The following FARP1 variants were observed in gnomAD, a reference collection of about 807,000 sequenced individuals.
FARP1 encodes the protein FERM, ARH/RhoGEF and pleckstrin domain protein 1.
FARP1 carries 52 observed loss-of-function variants against 128.8 expected under a neutral mutation model. The ratio of observed to expected loss-of-function variants is 0.40; its 90% CI spans 0.32 to 0.51. The LOEUF (loss-of-function observed/expected upper bound fraction) is 0.51, where lower values mean the gene tolerates loss of function less well. Ranked by LOEUF, FARP1 falls within the 20% of genes least tolerant of loss-of-function variation. The pLI, the probability that FARP1 is intolerant of heterozygous loss-of-function variation, is 0.45. For synonymous variants in FARP1, 580 were observed against 551.8 expected, an observed-to-expected ratio of 1.05 and a Z score of -0.72; for missense variants, 1,333 against 1,367.9, an observed-to-expected ratio of 0.97 and a Z score of 0.40.
Position 98,448,268 on chromosome 13 carries a change from C to T in FARP1, c.3089C>T (p.Ser1030Phe). The T allele has an allele frequency of 6.2e-7, 1 of 1,614,140 alleles. No homozygotes were observed. The highest frequency in any genetic ancestry group is 1.1e-5 in the South Asian group (1 of 91,078). ...GAAGTGATCCGCAGTGCCACCAGCT[C>T]TGCCTCGCGACCCCACGTGTTGAGT... is the stretch of plus-strand genomic sequence containing the variant. Reference protein sequence around the residue: ...WMEVIRSATSSASRPHVLSHK... With the variant: ...WMEVIRSATSFASRPHVLSHK... Residue 1030 changes from serine (S) to phenylalanine (F), a missense_variant, in exon 27 of 27, where the codon TCT (serine) becomes TTT (phenylalanine). By Grantham distance (155) the Ser-to-Phe change is radical. This residue lies in a region of FARP1 where 1,009 missense variants were observed against 969.8 expected (regional missense o/e 1.04). Coordinates refer to ENST00000319562, the MANE Select transcript of FARP1 (RefSeq NM_005766.4).
chr13:98,239,140 G>T (rs1882614972), intron 2 of FARP1, among the ~76,000 whole-genome samples: 1 of 152,104 alleles, frequency 6.6e-6, no homozygotes, highest in African/African-American at 2.4e-5. Flanking sequence ...GCAGTTGTGG[G>T]GAAATAACAC....
intron 1 of FARP1, among the ~76,000 whole-genome samples, chr13:98,166,506 A>C (rs1456609132): frequency 6.6e-6 from 1 of 152,128 alleles, no homozygotes; most frequent in Admixed American, 6.6e-5. Flanking sequence ...TATTATTATC[A>C]CAGTTTTGCT....
At chr13:98,232,148 T>TTTTTTTG (rs1882163508) in intron 2 of FARP1, among the ~76,000 whole-genome samples, 1 of 120,224 alleles carries the variant, frequency 8.3e-6, no homozygotes. Flanking sequence ...TTGGTTGGTT[T>TTTTTTTG]TTTTTTTTTT....
intron 1 of FARP1, among the ~76,000 whole-genome samples, chr13:98,153,557 T>TATA (rs201554546): frequency 3.0e-5 from 2 of 65,816 alleles, no homozygotes; most frequent in Non-Finnish European, 5.5e-5. Context: ...TAAATATATA[T>TATA]TTATATATAT....
At chr13:98,286,362 A>G (rs1484462862) in intron 2 of FARP1, among the ~76,000 whole-genome samples, 1 of 152,100 alleles carries the variant, frequency 6.6e-6, no homozygotes, top group East Asian at 1.9e-4. Flanking sequence ...CTAAATCTCA[A>G]CTTGAATTAT....
chr13:98,306,473 G>T (rs1886161591), intron 2 of FARP1, among the ~76,000 whole-genome samples: 2 of 152,060 alleles, frequency 1.3e-5, no homozygotes, highest in Admixed American at 1.3e-4. Flanking sequence ...TTAGAATTCA[G>T]GCCCAGGCCT....
chr13:98,357,977 C>T (rs1043678774), intron 3 of FARP1, among the ~76,000 whole-genome samples: 1 of 152,078 alleles, frequency 6.6e-6, no homozygotes, highest in African/African-American at 2.4e-5. Context: ...TGCCAAGGCC[C>T]CAGGAATCAT....
chr13:98,226,628 G>T (rs1277293274), intron 2 of FARP1, among the ~76,000 whole-genome samples: 1 of 152,110 alleles, frequency 6.6e-6, no homozygotes, highest in East Asian at 1.9e-4. Context: ...CCAGTTTTCT[G>T]CTCTTGTTCT....
chr13:98,441,683 G>T (rs1249820452), intron 24 of FARP1, among the ~76,000 whole-genome samples: 1 of 152,178 alleles, frequency 6.6e-6, no homozygotes, highest in African/African-American at 2.4e-5. Flanking sequence ...AAAGGTTAGG[G>T]TGACCGTTTT....
At chr13:98,305,661 C>T (rs1886116774) in intron 2 of FARP1, among the ~76,000 whole-genome samples, 1 of 152,094 alleles carries the variant, frequency 6.6e-6, no homozygotes, top group Non-Finnish European at 1.5e-5. Flanking sequence ...TGAAAAGCTT[C>T]ACTTCTTTAA....
chr13:98,350,445 G>A (rs567543886), intron 3 of FARP1, among the ~76,000 whole-genome samples: 3 of 152,218 alleles, frequency 2.0e-5, no homozygotes, highest in East Asian at 1.9e-4. Flanking sequence ...CTGTGCCTTC[G>A]TGTGGCATGT....
At chr13:98,229,175 A>G (rs1329410313) in intron 2 of FARP1, among the ~76,000 whole-genome samples, 1 of 152,084 alleles carries the variant, frequency 6.6e-6, no homozygotes, top group African/African-American at 2.4e-5. Flanking sequence ...CTAGTGACAC[A>G]TTTTCTATTT....
intron 1 of FARP1, among the ~76,000 whole-genome samples, chr13:98,174,784 A>G (rs772854703): frequency 6.6e-6 from 1 of 152,132 alleles, no homozygotes; most frequent in Non-Finnish European, 1.5e-5. Flanking sequence ...TAAATATGTT[A>G]ATTTTTGCTT....
At chr13:98,384,576 C>A (rs1332446922) in intron 6 of FARP1, 154 bp from the exon 7 acceptor site, 2 of 613,014 alleles carry the variant, frequency 3.3e-6, no homozygotes, top group East Asian at 2.7e-5. Flanking sequence ...TGTATCCTGG[C>A]ATCCCGTCTC....
At chr13:98,416,531 T>TA (rs893529995) in intron 16 of FARP1, among the ~76,000 whole-genome samples, 3 of 152,226 alleles carry the variant, frequency 2.0e-5, no homozygotes, top group Non-Finnish European at 4.4e-5. Flanking sequence ...GCCTGCTTCT[T>TA]GCTGGCAAAG....
intron 2 of FARP1, among the ~76,000 whole-genome samples, chr13:98,279,699 A>G (rs563803436): frequency 1.3e-5 from 2 of 152,340 alleles, no homozygotes; most frequent in East Asian, 3.9e-4. Flanking sequence ...CAGCTGCCCC[A>G]GGGGATGTCA....
chr13:98,209,417 C>T (rs1594272436), intron 1 of FARP1, among the ~76,000 whole-genome samples: 1 of 144,168 alleles, frequency 6.9e-6, no homozygotes, highest in Non-Finnish European at 1.5e-5. Flanking sequence ...ACAGAGGCAG[C>T]GGGAGGGGAG....
At chr13:98,268,531 G>C (rs925715623) in intron 2 of FARP1, among the ~76,000 whole-genome samples, 17 of 152,202 alleles carry the variant, frequency 1.1e-4, no homozygotes, top group African/African-American at 3.9e-4. Context: ...GCAGTGGCGC[G>C]ATCTCAGCTC....
chr13:98,273,935 G>A (rs1298745635), intron 2 of FARP1, among the ~76,000 whole-genome samples: 1 of 152,166 alleles, frequency 6.6e-6, no homozygotes, highest in Admixed American at 6.6e-5. Flanking sequence ...GTCAATGACA[G>A]ACTTAGCCAC....
Sources: gnomAD v4.1 joint callset for allele counts (sites outside exome capture counted in the v4.1 genomes callset) on GRCh38, gnomAD v4.1.1 for gene constraint, gnomAD v4.1.1 regional missense constraint, MANE v1.5 for transcripts, NCBI Gene and HGNC (gene_info 2026-07-23, HGNC 2026-07-21) for gene names.